The following PTPDC1 variants were observed in gnomAD, a reference collection of about 807,000 sequenced individuals.
PTPDC1 encodes protein tyrosine phosphatase domain containing 1.
PTPDC1 carries 53 observed loss-of-function variants against 75.3 expected under a neutral mutation model. The ratio of observed to expected loss-of-function variants is 0.70; its 90% CI spans 0.56 to 0.88. PTPDC1 has a LOEUF of 0.88. Ranked by LOEUF, PTPDC1 falls within the 40% of genes least tolerant of loss-of-function variation. PTPDC1 has a pLI of 0.00. For synonymous variants in PTPDC1, 349 were observed against 366.2 expected (o/e 0.95, Z 0.54); for missense variants, 925 against 998.6 (o/e 0.93, Z 0.99).
chr9:94,055,237 A>G (rs1248533978), intron 1 of PTPDC1, among the ~76,000 whole-genome samples: 1 of 152,206 alleles, frequency 6.6e-6, no homozygotes, highest in Non-Finnish European at 1.5e-5. Context: ...GTGTAACTTT[A>G]GGCAAATTAT....
intron 1 of PTPDC1, among the ~76,000 whole-genome samples, chr9:94,046,277 A>G (rs1329877952): frequency 2.6e-5 from 4 of 152,162 alleles, no homozygotes; most frequent in African/African-American, 7.2e-5. Context: ...GTCAGGTAGC[A>G]TGATGCCTCC....
chr9:94,084,568 T>C lies in PTPDC1; in HGVS notation c.38T>C (p.Val13Ala). Reference sequence around the variant, plus strand: ...GATGCAACCAGGCGGCCCTCAGCCGTGCGCTTCCTCAGCTCCTTTCTCCAG... The same window carrying C: ...GATGCAACCAGGCGGCCCTCAGCCGCGCGCTTCCTCAGCTCCTTTCTCCAG... ...VQDATRRPSA[V>A]RFLSSFLQGR... Residue 13 changes from valine (V) to alanine (A), a missense_variant, in exon 1 of 9, where the codon GTG becomes GCG. By Grantham distance (64) the Val-to-Ala change is moderately conservative. Transcript: ENST00000620992. 2.5e-6 allele frequency: 4 copies of C among 1,613,360 alleles called. No homozygotes were observed. Among genetic ancestry groups the C allele is most frequent in the Non-Finnish European group, 3.4e-6 (4 of 1,180,026 alleles).
chr9:94,074,427 C>T (rs1434921368), intron 2 of PTPDC1, among the ~76,000 whole-genome samples: 5 of 152,118 alleles, frequency 3.3e-5, no homozygotes, highest in Admixed American at 3.3e-4. Context: ...AAATCTGGGC[C>T]CCACTGCCAC....
chr9:94,048,819 A>G (rs1825696346), intron 1 of PTPDC1, among the ~76,000 whole-genome samples: 1 of 152,140 alleles, frequency 6.6e-6, no homozygotes, highest in Non-Finnish European at 1.5e-5. Context: ...AAAGTCTCCC[A>G]TTATTATTGT....
chr9:94,064,899 A>G, intron 2 of PTPDC1: 2 of 1,021,418 alleles, frequency 2.0e-6, no homozygotes, highest in Non-Finnish European at 3.0e-6. Flanking sequence ...AATGGACACA[A>G]AAGAAAAGGC....
At chr9:94,036,036 T>G (rs1191100896) in intron 1 of PTPDC1, among the ~76,000 whole-genome samples, 1 of 112,862 alleles carries the variant, frequency 8.9e-6, no homozygotes. Flanking sequence ...TTTTTTTTTG[T>G]TTTTTTTTTG....
chr9:94,068,744 C>T (rs1024614683), intron 2 of PTPDC1, among the ~76,000 whole-genome samples: 3 of 152,150 alleles, frequency 2.0e-5, no homozygotes, highest in Non-Finnish European at 4.4e-5. Context: ...AGATTTTCTT[C>T]GCCTGCCCAA....
At chr9:94,087,141 C>T (rs1316426042) in intron 2 of PTPDC1, among the ~76,000 whole-genome samples, 2 of 152,200 alleles carry the variant, frequency 1.3e-5, no homozygotes, top group Non-Finnish European at 2.9e-5. Flanking sequence ...ACCTTCACCA[C>T]CAGCTGAGTT....
chr9:94,040,350 G>A (rs1486066721), intron 1 of PTPDC1, among the ~76,000 whole-genome samples: 3 of 152,114 alleles, frequency 2.0e-5, no homozygotes, highest in South Asian at 2.1e-4. Flanking sequence ...AATTGAATAT[G>A]TATACATTAA....
At chr9:94,063,904 C>A (rs1826219216) in intron 1 of PTPDC1, among the ~76,000 whole-genome samples, 1 of 152,082 alleles carries the variant, frequency 6.6e-6, no homozygotes, top group Non-Finnish European at 1.5e-5. Context: ...GATGTTCAAA[C>A]CGTAAACATG....
intron 4 of PTPDC1, among the ~76,000 whole-genome samples, chr9:94,090,433 A>G (rs1827270995): frequency 1.3e-5 from 2 of 150,422 alleles, no homozygotes; most frequent in African/African-American, 4.9e-5. Flanking sequence ...TGTTCCATTG[A>G]TCTATATCTC....
At chr9:94,090,394 A>G (rs1827268640) in intron 4 of PTPDC1, among the ~76,000 whole-genome samples, 1 of 151,238 alleles carries the variant, frequency 6.6e-6, no homozygotes, top group South Asian at 2.1e-4. Flanking sequence ...AGCTGTAGAT[A>G]TGTGGCGTTA....
intron 2 of PTPDC1, among the ~76,000 whole-genome samples, chr9:94,074,778 C>A (rs1051598994): frequency 6.6e-6 from 1 of 152,158 alleles, no homozygotes; most frequent in Non-Finnish European, 1.5e-5. Flanking sequence ...ACGTGAATAC[C>A]AACTAGTCTT....
chr9:94,045,176 T>C (rs1420447808), intron 1 of PTPDC1, among the ~76,000 whole-genome samples: 1 of 152,040 alleles, frequency 6.6e-6, no homozygotes, highest in Non-Finnish European at 1.5e-5. Context: ...CGTGAACTCA[T>C]CATTTTTTAT....
intron 1 of PTPDC1, among the ~76,000 whole-genome samples, chr9:94,054,579 G>A (rs1825879538): frequency 6.6e-6 from 1 of 152,108 alleles, no homozygotes; most frequent in Non-Finnish European, 1.5e-5. Flanking sequence ...ATATTTGTCT[G>A]AGATAACAGT....
chr9:94,079,685 T>G (rs1438182481), upstream of PTPDC1, among the ~76,000 whole-genome samples: 1 of 152,202 alleles, frequency 6.6e-6, no homozygotes, highest in African/African-American at 2.4e-5. Flanking sequence ...CAGATAAAGA[T>G]AGTTTTGTAG....
chr9:94,082,772 C>T (rs921538878), upstream of PTPDC1, among the ~76,000 whole-genome samples: 5 of 152,100 alleles, frequency 3.3e-5, no homozygotes, highest in Non-Finnish European at 5.9e-5. Context: ...CTGGGGTAAG[C>T]TCAGTCATTT....
intron 1 of PTPDC1, chr9:94,064,730 A>G (rs1453671294): frequency 6.2e-7 from 1 of 1,608,870 alleles, no homozygotes; most frequent in Non-Finnish European, 8.5e-7. Flanking sequence ...TTTTTTTCCA[A>G]CAGACTACCA....
At position 94,101,627 on chromosome 9, in the gene PTPDC1, T is replaced by C; in HGVS notation, c.2075T>C (p.Ile692Thr). 1 of 1,613,912 alleles carries C rather than the reference T, an allele frequency of 6.2e-7. No homozygotes were observed. The change falls in exon 7 of 9, where the codon ATC (isoleucine) becomes ACC (threonine). Residue 692 changes from isoleucine to threonine, a missense_variant. Physicochemically the swap from Ile to Thr is moderately conservative, Grantham distance 89. Coordinates refer to ENST00000620992, the MANE Select transcript of PTPDC1 (RefSeq NM_001253829.2). Reference protein sequence around the residue: ...ERICGERDPFILCSLMWSWVE... With the variant: ...ERICGERDPFTLCSLMWSWVE... ...ATATGTGGCGAGAGGGACCCTTTCA[T>C]CCTATGCAGCTTGATGTGGTCTTGG... is the stretch of plus-strand genomic sequence containing the variant.
Sources: allele counts gnomAD v4.1 joint callset (sites outside exome capture counted in the v4.1 genomes callset), GRCh38; gene constraint gnomAD v4.1.1; transcripts MANE v1.5; gene names NCBI Gene and HGNC (gene_info 2026-07-23, HGNC 2026-07-21).